Variants in STX11 observed in about 807,000 individuals in gnomAD.
The protein encoded by STX11 is syntaxin-11.
A neutral mutation model predicts 19.9 loss-of-function variants in STX11; 21 were observed. That is an observed-to-expected ratio of 1.06 (90% CI 0.75 to 1.52). The LOEUF (loss-of-function observed/expected upper bound fraction) is 1.52. Among genes scored for constraint, STX11 ranks in the 40% most tolerant of loss-of-function variants. The pLI, the probability that STX11 is intolerant of heterozygous loss-of-function variation, is 0.00. For synonymous variants in STX11, 193 were observed against 174.4 expected, an observed-to-expected ratio of 1.11 and a Z score of -0.84; for missense variants, 438 against 405.9, an observed-to-expected ratio of 1.08 and a Z score of -0.68.
At chr6:144,149,292 C>G (rs1800934953), upstream of STX11, among the ~76,000 whole-genome samples, 1 of 151,822 alleles carries the variant, frequency 6.6e-6, no homozygotes, top group Non-Finnish European at 1.5e-5. This position sits in a 1 kb window ranked among gnomAD's most constrained non-coding sequence, Gnocchi z 5.1. Context: ...TTTATTTATT[C>G]AATTATTTAT....
Position 144,150,661 on chromosome 6 carries a change from C to G in STX11, c.-48C>G, listed in dbSNP as rs973281360. 1 of 984,554 alleles carries G rather than the reference C, an allele frequency of 1.0e-6. No individual in the cohort carries two copies. Among genetic ancestry groups the G allele is most frequent in the East Asian group, 1.1e-4 (1 of 8,738 alleles). 61.0% of individuals were successfully genotyped at this position (984,554 alleles called of 1,614,324 possible). The stretch of plus-strand genomic sequence containing the variant: ...CGCCCACAGGGGACGCGCGCCCTGC[C>G]GGGAGAGGGGCTTCTCGGTTCGCAC... On this transcript the variant is annotated 5_prime_UTR_variant, in exon 1 of 2. Transcript: ENST00000367568.
chr6:144,147,055 C>G (rs542669728), upstream of STX11, among the ~76,000 whole-genome samples: 17 of 152,220 alleles, frequency 1.1e-4, no homozygotes, highest in African/African-American at 4.1e-4. The surrounding 1 kb of genome is among the most constrained non-coding windows in gnomAD (Gnocchi z 4.2). Context: ...TGCTCATCTA[C>G]TCAAGAACAT....
In STX11 at chr6:144,177,735, GGGAGA is replaced by G. The variant is rs1433389386; in HGVS notation, c.-5-8887_-5-8883del. Among the ~76,000 whole-genome samples the G allele has an allele frequency of 6.6e-6, 1 of 152,186 alleles. No homozygotes were observed. The highest frequency in any genetic ancestry group is 1.5e-5 in the Non-Finnish European group (1 of 68,040). On this transcript the variant is annotated intron_variant, in intron 1 of 1. Coordinates refer to ENST00000367568, the MANE Select transcript of STX11 (RefSeq NM_003764.4). The surrounding 1 kb of genome is among the most constrained non-coding windows in gnomAD (Gnocchi z 4.4). ...ACTGCACTCCAGCCTGGGTGACAGA[GGGAGA>G]CTCCGTCTCAAAAAAAAGAAGAAAG...
rs1352633641 is a variant in STX11 at position 144,155,997 on chromosome 6, T to C, written c.-6+5294T>C. 2.0e-3 allele frequency among the ~76,000 whole-genome samples: 266 copies of C among 131,944 alleles called. 16 individuals carry two copies. The East Asian group carries it at 0.036, about 18-fold the overall frequency. 86.6% of individuals were successfully genotyped at this position (131,944 alleles called of 152,430 possible). On this transcript the variant is annotated intron_variant, in intron 1 of 1. Coordinates refer to ENST00000367568, the MANE Select transcript of STX11 (RefSeq NM_003764.4). This position sits in a 1 kb window ranked among gnomAD's most constrained non-coding sequence, Gnocchi z 4.5. ...TTCTTTCTTTCTTTCTTTCTTTCTTTCTTTCTTTCTTTCTTTCTCTCTTTC... is the reference window on the plus strand; with the variant it reads ...TTCTTTCTTTCTTTCTTTCTTTCTTCCTTTCTTTCTTTCTTTCTCTCTTTC...
intron 1 of STX11, among the ~76,000 whole-genome samples, chr6:144,166,436 CAT>C (rs1031890189): frequency 2.6e-5 from 4 of 152,128 alleles, no homozygotes; most frequent in African/African-American, 4.8e-5. Flanking sequence ...TGAAAGCACA[CAT>C]GAGGATTTTC....
At position 144,186,669 on chromosome 6, in the gene STX11, A is replaced by G. The variant is rs769709592; in HGVS notation, c.42A>G (p.Gln14=). 7 of 1,614,192 alleles carry G rather than the reference A, an allele frequency of 4.3e-6. No individual in the cohort carries two copies. Among genetic ancestry groups the G allele is most frequent in the Non-Finnish European group, 5.9e-6 (7 of 1,180,040 alleles). ...RLAELLDLSK[Q]YDQQFPDGDD... is the part of the protein sequence containing the mutation. ...CAGAACTTCTGGACTTGTCCAAGCA[A>G]TATGACCAGCAGTTCCCAGACGGGG... The change falls in exon 2 of 2, where the codon CAA becomes CAG. Residue 14 remains glutamine, a synonymous_variant. Transcript: ENST00000367568.
chr6:144,151,274 A>G lies in STX11; in HGVS notation c.-6+571A>G. 1.0e-6 allele frequency: 1 copy of G among 985,428 alleles called. No individual in the cohort carries two copies. Among genetic ancestry groups the G allele is most frequent in the Non-Finnish European group, 1.2e-6 (1 of 829,918 alleles). 61.0% of individuals were successfully genotyped at this position (985,428 alleles called of 1,614,324 possible). ...AGTAGTGGCAATGCCTGCGAGAGCC[A>G]CGCCGTCCTGAGAGGGAATTCTGCC... On this transcript the variant is annotated intron_variant, in intron 1 of 1. Coordinates refer to ENST00000367568, the MANE Select transcript of STX11 (RefSeq NM_003764.4). This position sits in a 1 kb window ranked among gnomAD's most constrained non-coding sequence, Gnocchi z 4.6.
In STX11 at chr6:144,151,372, G is replaced by A. The variant is rs1801003191; in HGVS notation, c.-6+669G>A. ...TGGTTCTCACGCACTTGTTTCAGCC[G>A]TTTCTCAGCAGAGGGAGGAGCTGTT... On this transcript the variant is annotated intron_variant, in intron 1 of 1. Transcript: ENST00000367568. This position sits in a 1 kb window ranked among gnomAD's most constrained non-coding sequence, Gnocchi z 4.6. The A allele has an allele frequency of 1.0e-6, 1 of 985,424 alleles. No individual in the cohort carries two copies. The highest frequency in any genetic ancestry group is 4.7e-5 in the South Asian group (1 of 21,288). The allele number at this position is 985,424 out of a possible 1,614,324, so 61.0% of individuals were successfully genotyped here.
chr6:144,191,069 C>T lies in STX11; in HGVS notation c.*3578C>T, dbSNP rs1286965845. Reference sequence around the variant, plus strand: ...TTATACACTCATATCTTTTAGGGTACAAAATGAAAGAACAAATCACAAAGA... The same window carrying T: ...TTATACACTCATATCTTTTAGGGTATAAAATGAAAGAACAAATCACAAAGA... On this transcript the variant is annotated 3_prime_UTR_variant, in exon 2 of 2. Transcript: ENST00000367568. 6.6e-6 allele frequency among the ~76,000 whole-genome samples: 1 copy of T among 151,766 alleles called. No individual in the cohort carries two copies. Among genetic ancestry groups the T allele is most frequent in the Non-Finnish European group, 1.5e-5 (1 of 67,956 alleles).
At chr6:144,143,853 AG>A in the STX11 span, among the ~76,000 whole-genome samples, 2 of 152,372 alleles carry the variant, frequency 1.3e-5, no homozygotes, top group Middle Eastern at 3.4e-3. Context: ...AAATCAGAGT[AG>A]TAGCTTTATA....
chr6:144,151,515 C>A lies in STX11; in HGVS notation c.-6+812C>A. ...TGAGACTCTAGATGTGAAATGCCTG[C>A]CCTGCCAACCTGGGGCAGTGGTATG... On this transcript the variant is annotated intron_variant, in intron 1 of 1. Coordinates refer to ENST00000367568, the MANE Select transcript of STX11 (RefSeq NM_003764.4). This position sits in a 1 kb window ranked among gnomAD's most constrained non-coding sequence, Gnocchi z 4.6. 2.5e-6 allele frequency: 2 copies of A among 812,126 alleles called. No individual in the cohort carries two copies. Among genetic ancestry groups the A allele is most frequent in the South Asian group, 1.1e-4 (2 of 17,840 alleles). The allele number at this position is 812,126 out of a possible 1,614,324, so 50.3% of individuals were successfully genotyped here. A position where few individuals can be genotyped will look rare whatever the true frequency, so the allele number is the denominator to read the frequency against.
intron 1 of STX11, among the ~76,000 whole-genome samples, chr6:144,161,668 G>A (rs1272686977): frequency 2.0e-5 from 3 of 152,040 alleles, no homozygotes; most frequent in East Asian, 1.9e-4. Context: ...GCACCCGGCC[G>A]GAAAATTTCT....
In STX11 at chr6:144,170,912, C is replaced by T. The variant is rs1801612432; in HGVS notation, c.-5-15711C>T. ...CCAGGTGCTAGTCTTAAGAGCTTTA[C>T]ATGGCTTACCTCATTTAATCCCCTC... On this transcript the variant is annotated intron_variant, in intron 1 of 1. Coordinates refer to ENST00000367568, the MANE Select transcript of STX11 (RefSeq NM_003764.4). This position sits in a 1 kb window ranked among gnomAD's most constrained non-coding sequence, Gnocchi z 4.7. 6.6e-6 allele frequency among the ~76,000 whole-genome samples: 1 copy of T among 152,200 alleles called. No homozygotes were observed.
rs1252127003 is a variant in STX11, at chr6:144,182,244, C to T, written c.-5-4379C>T. Reference sequence around the variant, plus strand: ...CTTCAGTAGTGTATACACTTTTAACCTTTTTGGAGACATTCTTAGGAATAG... The same window carrying T: ...CTTCAGTAGTGTATACACTTTTAACTTTTTTGGAGACATTCTTAGGAATAG... On this transcript the variant is annotated intron_variant, in intron 1 of 1. Coordinates refer to ENST00000367568, the MANE Select transcript of STX11 (RefSeq NM_003764.4). The surrounding 1 kb of genome is among the most constrained non-coding windows in gnomAD (Gnocchi z 4.8). 6.6e-6 allele frequency among the ~76,000 whole-genome samples: 1 copy of T among 152,114 alleles called. No homozygotes were observed. The highest frequency in any genetic ancestry group is 6.5e-5 in the Admixed American group (1 of 15,280).
Position 144,191,534 on chromosome 6 carries a change from T to TA in STX11, c.*4054dup, listed in dbSNP as rs397795966. The stretch of plus-strand genomic sequence containing the variant: ...AAACTACTGAAGATTGTGTACAGCT[T>TA]AAAAAAAAAAATAGGGTAACTATAG... On this transcript the variant is annotated 3_prime_UTR_variant, in exon 2 of 2. Coordinates refer to ENST00000367568, the MANE Select transcript of STX11 (RefSeq NM_003764.4). 0.95 allele frequency among the ~76,000 whole-genome samples: 141,354 copies of TA among 148,048 alleles called. 67,631 individuals carry two copies. Among genetic ancestry groups the TA allele is most frequent in the Middle Eastern group, 1 (285 of 286 alleles).
the STX11 span, among the ~76,000 whole-genome samples, chr6:144,142,290 T>A: frequency 6.6e-6 from 1 of 152,088 alleles, no homozygotes; most frequent in Non-Finnish European, 1.5e-5. Context: ...TTTTTAATGA[T>A]CTCATGTTTG....
the STX11 span, among the ~76,000 whole-genome samples, chr6:144,142,662 A>T: frequency 1.4e-3 from 210 of 152,330 alleles, no homozygotes; most frequent in Non-Finnish European, 1.8e-3. Flanking sequence ...TAAGCCAGAC[A>T]TAGGCAAATT....
Position 144,155,169 on chromosome 6 carries a change from C to A in STX11, c.-6+4466C>A, listed in dbSNP as rs1380708180. On this transcript the variant is annotated intron_variant, in intron 1 of 1. Coordinates refer to ENST00000367568, the MANE Select transcript of STX11 (RefSeq NM_003764.4). This position sits in a 1 kb window ranked among gnomAD's most constrained non-coding sequence, Gnocchi z 4.5. ...TTCAACCATTATGTCCACAAAGCTG[C>A]CTTGGTTATCTTTTCCTCAAAGACC... 6.6e-6 allele frequency among the ~76,000 whole-genome samples: 1 copy of A among 152,164 alleles called. No individual in the cohort carries two copies. Among genetic ancestry groups the A allele is most frequent in the Non-Finnish European group, 1.5e-5 (1 of 68,048 alleles).
At chr6:144,140,743 C>T in the STX11 span, 1 of 985,070 alleles carries the variant, frequency 1.0e-6, no homozygotes, top group Admixed American at 6.2e-5. Flanking sequence ...AGACATGGAG[C>T]AGCCTCAAGG....
Sources: gnomAD v4.1 joint callset for allele counts (sites outside exome capture counted in the v4.1 genomes callset) on GRCh38, gnomAD v4.1.1 for gene constraint, Gnocchi (gnomAD v3.1) non-coding constraint, MANE v1.5 for transcripts, NCBI Gene and HGNC (gene_info 2026-07-23, HGNC 2026-07-21) for gene names.